The following TRIM66 variants were observed in gnomAD, a reference collection of about 807,000 sequenced individuals.
TRIM66 encodes the protein tripartite motif-containing protein 66.
A neutral mutation model predicts 148.2 loss-of-function variants in TRIM66; 99 were observed. The observed-to-expected ratio is 0.67, with a 90% CI of 0.57 to 0.79. The LOEUF (loss-of-function observed/expected upper bound fraction) is 0.79. Among genes scored for constraint, TRIM66 ranks in the 30% least tolerant of loss-of-function variants. TRIM66 has a pLI of 0.00. For synonymous variants in TRIM66, 616 were observed against 635.9 expected (o/e 0.97, Z 0.47); for missense variants, 1,666 against 1,697.9 (o/e 0.98, Z 0.33).
At position 8,625,090 on chromosome 11, in the gene TRIM66, T is replaced by C. The variant is rs985104191; in HGVS notation, c.2449A>G (p.Ser817Gly). The C allele has an allele frequency of 1.3e-5, 20 of 1,551,618 alleles. No individual in the cohort carries two copies. Among genetic ancestry groups the C allele is most frequent in the Non-Finnish European group, 1.7e-5 (20 of 1,147,006 alleles). Residue 817 changes from serine to glycine, a missense_variant, in exon 16 of 25, where the codon AGC becomes GGC. Physicochemically the swap from Ser to Gly is moderately conservative, Grantham distance 56 (BLOSUM62 0). Coordinates refer to ENST00000646038, the MANE Select transcript of TRIM66 (RefSeq NM_001388022.1). ...LTAGAPQAVP[S>G]LLSAPPKMVS... ...ATTTTGGGGGGAGCACTCAGCAGGCTTGGTACTGCCTGGGGGGCACCAGCT... is the reference window on the plus strand; with the variant it reads ...ATTTTGGGGGGAGCACTCAGCAGGCCTGGTACTGCCTGGGGGGCACCAGCT...
chr11:8,618,996 C>A (rs1591994064), intron 23 of TRIM66, 28 bp from the exon 24 acceptor site: 1 of 1,542,594 alleles, frequency 6.5e-7, no homozygotes, highest in Non-Finnish European at 8.8e-7. Context: ...CAGTGATGGT[C>A]TAGCCTGTTT....
chr11:8,646,203 C>T (rs1439320776), intron 11 of TRIM66, among the ~76,000 whole-genome samples: 2 of 152,150 alleles, frequency 1.3e-5, no homozygotes, highest in Non-Finnish European at 2.9e-5. Flanking sequence ...GACTATAACC[C>T]TGAGCAGTTA....
intron 6 of TRIM66, among the ~76,000 whole-genome samples, chr11:8,669,605 T>C (rs928674523): frequency 6.7e-6 from 1 of 149,612 alleles, no homozygotes; most frequent in African/African-American, 2.5e-5. Context: ...ATCGCACCAC[T>C]GCACTCCAGC....
chr11:8,649,602 C>T lies in TRIM66; in HGVS notation c.592+138G>A, dbSNP rs961524172. 6 of 1,216,882 alleles carry T rather than the reference C, an allele frequency of 4.9e-6. No individual in the cohort carries two copies. The African/African-American group carries it at 9.2e-5, about 19-fold the overall frequency. 75.4% of individuals were successfully genotyped at this position (1,216,882 alleles called of 1,614,324 possible). ...ACCCCTTTGACTCTGAAGGAGACTTCCTTTGGGAAAGGCTCTGAGACTGTC... is the reference window on the plus strand; with the variant it reads ...ACCCCTTTGACTCTGAAGGAGACTTTCTTTGGGAAAGGCTCTGAGACTGTC... On this transcript the variant is annotated intron_variant, in intron 8 of 24. Transcript: ENST00000646038.
intron 15 of TRIM66, among the ~76,000 whole-genome samples, chr11:8,635,083 G>T (rs1402322202): frequency 6.6e-6 from 1 of 152,194 alleles, no homozygotes; most frequent in Non-Finnish European, 1.5e-5. Flanking sequence ...AATCCAGCAG[G>T]TAAGAGGCCA....
chr11:8,645,634 C>T, intron 12 of TRIM66, 107 bp downstream of exon 12: 2 of 1,336,434 alleles, frequency 1.5e-6, no homozygotes, highest in Non-Finnish European at 2.0e-6. Context: ...CTCCTTCCAT[C>T]CTAAAAAGAA....
intron 6 of TRIM66, among the ~76,000 whole-genome samples, chr11:8,657,953 C>T (rs1370004861): frequency 6.6e-6 from 1 of 152,240 alleles, no homozygotes; most frequent in Non-Finnish European, 1.5e-5. Flanking sequence ...GTCAGAGAAG[C>T]GACAGGTGAG....
chr11:8,613,210 C>T lies in TRIM66; in HGVS notation c.*4734G>A, dbSNP rs117103636. The T allele has an allele frequency of 0.023, 3,517 of 152,296 alleles. 56 individuals carry two copies. Among genetic ancestry groups the T allele is most frequent in the Middle Eastern group, 0.051 (15 of 294 alleles). The allele number at this position is 152,296 out of a possible 1,614,324, so 9.4% of individuals were successfully genotyped here. Reference sequence around the variant, plus strand: ...CCACAGACAGCCACAGACATTTCCCCCATCTAGGTTTCAAGGACAGCTCAG... The same window carrying T: ...CCACAGACAGCCACAGACATTTCCCTCATCTAGGTTTCAAGGACAGCTCAG... On this transcript the variant is annotated 3_prime_UTR_variant, in exon 25 of 25. Coordinates refer to ENST00000646038, the MANE Select transcript of TRIM66 (RefSeq NM_001388022.1).
In TRIM66 at chr11:8,648,020, C is replaced by T; in HGVS notation, c.792G>A (p.Val264=). 3.2e-6 allele frequency: 5 copies of T among 1,551,782 alleles called. No homozygotes were observed. Among genetic ancestry groups the T allele is most frequent in the Non-Finnish European group, 4.4e-6 (5 of 1,147,004 alleles). Residue 264 remains valine (V), a synonymous_variant, in exon 10 of 25, where the codon GTG becomes GTA. Transcript: ENST00000646038. ...TCTGTAGACTGGATTTCTTATGTGC[C>T]ACCTGTGTAGTCACACCTTCCAGAA... ...RMLLEGVTTQ[V]AHKKSSLQTS...
chr11:8,624,784 A>T lies in TRIM66; in HGVS notation c.2755T>A (p.Ser919Thr). 6.4e-7 allele frequency: 1 copy of T among 1,551,294 alleles called. No homozygotes were observed. Among genetic ancestry groups the T allele is most frequent in the East Asian group, 2.4e-5 (1 of 40,902 alleles). The change falls in exon 16 of 25, where the codon TCT becomes ACT. Residue 919 changes from serine to threonine, a missense_variant. Physicochemically the swap from Ser to Thr is moderately conservative, Grantham distance 58 (BLOSUM62 1). This residue lies in a region of TRIM66 where 1,431 missense variants were observed against 1,412.4 expected (regional missense o/e 1.01). Transcript: ENST00000646038. ...MQPETGSSSS[S>T]GRTSGSLCPR... ...CACAGGCTCCCTGAAGTTCGGCCAG[A>T]ACTGGAGCTGGACCCAGTTTCTGGC...
At chr11:8,675,510 G>T (rs1652640013) in intron 3 of TRIM66, among the ~76,000 whole-genome samples, 1 of 151,990 alleles carries the variant, frequency 6.6e-6, no homozygotes, top group Non-Finnish European at 1.5e-5. Context: ...AGCCTCCCGA[G>T]CAGCTGGGAT....
chr11:8,629,224 A>G (rs1246570740), intron 15 of TRIM66, among the ~76,000 whole-genome samples: 1 of 152,204 alleles, frequency 6.6e-6, no homozygotes, highest in African/African-American at 2.4e-5. Context: ...CTAATATTCT[A>G]TATTTCCTTA....
intron 6 of TRIM66, among the ~76,000 whole-genome samples, chr11:8,663,408 A>G (rs2038390399): frequency 6.6e-6 from 1 of 152,236 alleles, no homozygotes; most frequent in Non-Finnish European, 1.5e-5. Flanking sequence ...CATACCTATG[A>G]TAAAGTTTAA....
rs576912635 is a variant in TRIM66, at chr11:8,646,698, G to A, written c.843-137C>T. On this transcript the variant is annotated intron_variant, in intron 10 of 24. Coordinates refer to ENST00000646038, the MANE Select transcript of TRIM66 (RefSeq NM_001388022.1). ...TAGCAGACACCAAATACAAAAAAAA[G>A]AGAGCCTTCCTCCACCATCCCACCT... 23 of 654,014 alleles carry A rather than the reference G, an allele frequency of 3.5e-5. No individual in the cohort carries two copies. The South Asian group carries it at 4.2e-4, about 12-fold the overall frequency. 40.5% of individuals were successfully genotyped at this position (654,014 alleles called of 1,614,324 possible).
chr11:8,624,139 G>C (rs1170689399), intron 17 of TRIM66, among the ~76,000 whole-genome samples: 1 of 152,192 alleles, frequency 6.6e-6, no homozygotes, highest in Non-Finnish European at 1.5e-5. Flanking sequence ...GTTACAAAAA[G>C]AGTAAGTCCT....
At chr11:8,658,868 C>G in intron 6 of TRIM66, 1 of 913,548 alleles carries the variant, frequency 1.1e-6, no homozygotes, top group African/African-American at 1.8e-5. Flanking sequence ...TGCCACTTCA[C>G]CTGAAGTCCT....
At chr11:8,644,017 A>G (rs1344645308) in intron 12 of TRIM66, among the ~76,000 whole-genome samples, 2 of 152,138 alleles carry the variant, frequency 1.3e-5, no homozygotes, top group Non-Finnish European at 2.9e-5. Context: ...TTTAGTCACC[A>G]TACCTAGACC....
chr11:8,644,724 C>T (rs1212139809), intron 12 of TRIM66, among the ~76,000 whole-genome samples: 1 of 152,206 alleles, frequency 6.6e-6, no homozygotes, highest in East Asian at 1.9e-4. Context: ...GCCATCTTCT[C>T]AGGCTATGTT....
At chr11:8,660,559 TG>T (rs1227953517) in intron 6 of TRIM66, among the ~76,000 whole-genome samples, 1 of 152,248 alleles carries the variant, frequency 6.6e-6, no homozygotes, top group Non-Finnish European at 1.5e-5. Flanking sequence ...TCTGCTACAA[TG>T]GTAGAGCTAA....
Sources: gnomAD v4.1 joint callset for allele counts (sites outside exome capture counted in the v4.1 genomes callset) on GRCh38, gnomAD v4.1.1 for gene constraint, gnomAD v4.1.1 regional missense constraint, MANE v1.5 for transcripts, NCBI Gene and HGNC (gene_info 2026-07-23, HGNC 2026-07-21) for gene names.